Variants in CFAP69 observed in about 807,000 individuals in gnomAD.
CFAP69 encodes the protein cilia and flagella associated protein 69.
In CFAP69, 92 loss-of-function variants were observed where a neutral mutation model predicts 123.0. That is an observed-to-expected ratio of 0.75 (90% CI 0.63 to 0.89). CFAP69 has a LOEUF of 0.89. Among genes scored for constraint, CFAP69 ranks in the 40% least tolerant of loss-of-function variants. The pLI, the probability that CFAP69 is intolerant of heterozygous loss-of-function variation, is 0.00. For synonymous variants in CFAP69, 380 were observed against 364.3 expected (o/e 1.04, Z -0.49); for missense variants, 1,067 against 1,096.9 (o/e 0.97, Z 0.39).
At chr7:90,294,860 C>G (rs1791698452) in intron 15 of CFAP69, among the ~76,000 whole-genome samples, 1 of 152,080 alleles carries the variant, frequency 6.6e-6, no homozygotes, top group Non-Finnish European at 1.5e-5. Flanking sequence ...GTGATTTTTA[C>G]CATTCATTCA....
intron 6 of CFAP69, among the ~76,000 whole-genome samples, chr7:90,269,402 T>G (rs1435385802): frequency 2.6e-5 from 4 of 152,216 alleles, no homozygotes; most frequent in Non-Finnish European, 4.4e-5. Context: ...GTGTCCATAT[T>G]GAGGTTTGGA....
chr7:90,260,810 G>A (rs1233234230), intron 3 of CFAP69, among the ~76,000 whole-genome samples: 3 of 151,624 alleles, frequency 2.0e-5, no homozygotes, highest in Non-Finnish European at 4.4e-5. Context: ...ATGTTAAACC[G>A]TTGGTGGCAA....
At chr7:90,297,068 A>G (rs1242842479) in intron 15 of CFAP69, among the ~76,000 whole-genome samples, 1 of 152,232 alleles carries the variant, frequency 6.6e-6, no homozygotes, top group East Asian at 1.9e-4. Flanking sequence ...TTGCAGGACC[A>G]TTTAAAAATA....
chr7:90,293,310 T>G (rs1395487476), intron 15 of CFAP69, among the ~76,000 whole-genome samples: 1 of 152,218 alleles, frequency 6.6e-6, no homozygotes, highest in Non-Finnish European at 1.5e-5. Context: ...ATTTTAATGT[T>G]TGACCATAAG....
intron 3 of CFAP69, 126 bp from the exon 4 acceptor site, chr7:90,261,821 A>C (rs942491638): frequency 9.0e-6 from 4 of 446,064 alleles, no homozygotes; most frequent in African/African-American, 6.2e-5. Context: ...AGAATAATTA[A>C]AACAGTATCT....
chr7:90,269,812 G>A (rs1799694921), intron 6 of CFAP69, among the ~76,000 whole-genome samples: 1 of 152,070 alleles, frequency 6.6e-6, no homozygotes, highest in Non-Finnish European at 1.5e-5. Flanking sequence ...TCAGAGAAAG[G>A]TTATTTGGGT....
At chr7:90,284,960 G>A (rs1363546796) in intron 13 of CFAP69, among the ~76,000 whole-genome samples, 1 of 152,114 alleles carries the variant, frequency 6.6e-6, no homozygotes, top group Non-Finnish European at 1.5e-5. Flanking sequence ...TTATGTTTTA[G>A]GAAGAAGAAA....
At chr7:90,283,494 A>C (rs1789794019) in intron 13 of CFAP69, among the ~76,000 whole-genome samples, 1 of 152,208 alleles carries the variant, frequency 6.6e-6, no homozygotes, top group Non-Finnish European at 1.5e-5. Context: ...GAAATATCAG[A>C]ATATCCTTGA....
At chr7:90,303,839 T>C in intron 17 of CFAP69, 130 bp from the exon 18 acceptor site, 1 of 1,292,608 alleles carries the variant, frequency 7.7e-7, no homozygotes, top group Admixed American at 3.4e-5. Flanking sequence ...AACCGTGTAA[T>C]AGGCACTATT....
At position 90,268,381 on chromosome 7, in the gene CFAP69, C is replaced by T. The variant is rs1048175982; in HGVS notation, c.529C>T (p.Pro177Ser). 4.4e-6 allele frequency: 7 copies of T among 1,602,652 alleles called. No homozygotes were observed. The highest frequency in any genetic ancestry group is 4.3e-6 in the Non-Finnish European group (5 of 1,172,306). Residue 177 changes from proline to serine, a missense_variant, in exon 6 of 23, where the codon CCA becomes TCA. Coordinates refer to ENST00000389297, the MANE Select transcript of CFAP69 (RefSeq NM_001039706.3). ...TGCAGAACCACCAAAGAAGCATATT[C>T]CAGGTGAAGTTTACAATGGTCTTTC... Reference protein sequence around the residue: ...YHAEPPKKHIPGYQQASSSYK... With the variant: ...YHAEPPKKHISGYQQASSSYK...
chr7:90,299,795 TC>T (rs1792505876), intron 16 of CFAP69, 71 bp from the exon 17 acceptor site: 1 of 1,043,044 alleles, frequency 9.6e-7, no homozygotes, highest in African/African-American at 1.9e-5. Context: ...AGTGTTTCTC[TC>T]TTTTTTTTTT....
At chr7:90,262,238 T>A (rs1798433384) in intron 4 of CFAP69, among the ~76,000 whole-genome samples, 182 bp downstream of exon 4, 1 of 152,214 alleles carries the variant, frequency 6.6e-6, no homozygotes, top group Non-Finnish European at 1.5e-5. Flanking sequence ...GGTCTGAGAT[T>A]GCTAGCCACA....
intron 5 of CFAP69, 120 bp downstream of exon 5, chr7:90,265,497 T>C: frequency 1.6e-6 from 1 of 629,694 alleles, no homozygotes; most frequent in South Asian, 2.1e-5. Context: ...TAGGATCTTC[T>C]CTTGTTAGTG....
chr7:90,305,124 C>T (rs571953135), intron 19 of CFAP69, among the ~76,000 whole-genome samples: 6 of 151,982 alleles, frequency 3.9e-5, no homozygotes, highest in South Asian at 2.1e-4. Flanking sequence ...AGGTGGATAA[C>T]GAGGTCAGGA....
chr7:90,276,282 A>T (rs540906164), intron 9 of CFAP69: 95 of 152,336 alleles, frequency 6.2e-4, no homozygotes, highest in African/African-American at 2.3e-3. Flanking sequence ...ATAGTATCCT[A>T]GTTAAAGCTG....
chr7:90,259,630 A>G (rs1339238048), intron 3 of CFAP69, among the ~76,000 whole-genome samples: 1 of 152,036 alleles, frequency 6.6e-6, no homozygotes, highest in East Asian at 1.9e-4. Flanking sequence ...AGCTGGGACT[A>G]CAGGAATGCA....
downstream of CFAP69, among the ~76,000 whole-genome samples, chr7:90,314,862 G>A (rs17869409): frequency 1.1e-4 from 17 of 150,626 alleles, no homozygotes; most frequent in East Asian, 3.0e-3. Flanking sequence ...CAATGCTATC[G>A]CTCCCCCCCC....
chr7:90,313,845 C>T (rs957535505), downstream of CFAP69, among the ~76,000 whole-genome samples: 3 of 152,150 alleles, frequency 2.0e-5, no homozygotes, highest in African/African-American at 7.2e-5. Flanking sequence ...TGCTTAGTGA[C>T]TTCTTTCCAG....
downstream of CFAP69, among the ~76,000 whole-genome samples, chr7:90,312,307 A>C (rs368117425): frequency 1.3e-5 from 2 of 152,320 alleles, 1 homozygote. Flanking sequence ...TTTTCTCCAA[A>C]ATGGTGAGGC....
Sources: allele counts gnomAD v4.1 joint callset (sites outside exome capture counted in the v4.1 genomes callset), GRCh38; gene constraint gnomAD v4.1.1; transcripts MANE v1.5; gene names NCBI Gene and HGNC (gene_info 2026-07-23, HGNC 2026-07-21).